Variants in PHYKPL observed in about 807,000 individuals in gnomAD.
The protein encoded by PHYKPL is 5-phosphonooxy-L-lysine phospho-lyase.
In PHYKPL, 42 loss-of-function variants were observed where a neutral mutation model predicts 51.3. The observed-to-expected ratio is 0.82, with a 90% CI of 0.64 to 1.06. PHYKPL has a LOEUF of 1.06. Among genes scored for constraint, PHYKPL ranks in the 50% least tolerant of loss-of-function variants. PHYKPL has a pLI of 0.00. For synonymous variants in PHYKPL, 264 were observed against 236.0 expected, an observed-to-expected ratio of 1.12 and a Z score of -1.09; for missense variants, 655 against 586.6, an observed-to-expected ratio of 1.12 and a Z score of -1.20.
intron 10 of PHYKPL, 37 bp from the exon 11 acceptor site, chr5:178,213,140 G>A: frequency 6.2e-7 from 1 of 1,609,590 alleles, no homozygotes; most frequent in Non-Finnish European, 8.5e-7. Flanking sequence ...TGGCCTTCAA[G>A]GCCTTCCTCA....
chr5:178,222,448 CT>C lies in PHYKPL; in HGVS notation c.833del (p.Lys278SerfsTer47). On this transcript the variant is annotated frameshift_variant, in exon 8 of 13. Coordinates refer to ENST00000308158, the MANE Select transcript of PHYKPL (RefSeq NM_153373.4). LOFTEE classifies it high-confidence loss of function. Reference protein sequence around the residue: ...DFVPDIVTMGKSIGNGHPVAC... With the variant: ...DFVPDIVTMGXSIGNGHPVAC... ...CAACAGGGTGGCCGTTGCCAATGGACTTGCCCATGGTGACGATGTCAGGGAC... is the reference window on the plus strand; with the variant it reads ...CAACAGGGTGGCCGTTGCCAATGGACTGCCCATGGTGACGATGTCAGGGAC... The C allele has an allele frequency of 1.2e-6, 2 of 1,614,264 alleles. No homozygotes were observed. The highest frequency in any genetic ancestry group is 8.5e-7 in the Non-Finnish European group (1 of 1,180,050).
rs1357166920 is a variant in PHYKPL at position 178,232,449 on chromosome 5, G to C, written c.59+43C>G. ...GCGTCGTGCGTGCGCGTGCCTCTCC[G>C]CGCAGCCCCGCGCCCCCCGCCGCCC... is the stretch of plus-strand genomic sequence containing the variant. On this transcript the variant is annotated intron_variant, in intron 1 of 12. Coordinates refer to ENST00000308158, the MANE Select transcript of PHYKPL (RefSeq NM_153373.4). 6 of 1,376,576 alleles carry C rather than the reference G, an allele frequency of 4.4e-6. No individual in the cohort carries two copies. The South Asian group carries it at 4.9e-5, about 11-fold the overall frequency. 85.3% of individuals were successfully genotyped at this position (1,376,576 alleles called of 1,614,324 possible).
intron 2 of PHYKPL, among the ~76,000 whole-genome samples, chr5:178,231,108 G>A (rs968977209): frequency 6.6e-6 from 1 of 152,184 alleles, no homozygotes; most frequent in African/African-American, 2.4e-5. Flanking sequence ...CACTTGGCCA[G>A]CACTGTGCTA....
At chr5:178,221,888 C>T (rs540712166) in intron 8 of PHYKPL, among the ~76,000 whole-genome samples, 1 of 152,350 alleles carries the variant, frequency 6.6e-6, no homozygotes, top group Non-Finnish European at 1.5e-5. Flanking sequence ...CCTGCAACTG[C>T]TGCCTCAGGG....
Position 178,224,510 on chromosome 5 carries a change from C to A in PHYKPL, c.556G>T (p.Ala186Ser). Residue 186 changes from alanine (A) to serine (S), a missense_variant, in exon 6 of 13, where the codon GCT becomes TCT. Transcript: ENST00000308158. ...TTCACCTCGTTGGCATAGGCCATAG[C>A]TGGGTTGGGGTGGTCCTCCCGGTAG... The part of the protein sequence containing the change: ...GPYREDHPNP[A>S]MAYANEVKRV... 1.2e-6 allele frequency: 2 copies of A among 1,613,448 alleles called. No individual in the cohort carries two copies. The highest frequency in any genetic ancestry group is 8.5e-7 in the Non-Finnish European group (1 of 1,179,600).
downstream of PHYKPL, chr5:178,207,307 A>G: frequency 6.6e-7 from 1 of 1,524,510 alleles, no homozygotes; most frequent in Non-Finnish European, 8.9e-7. Flanking sequence ...GTTGGGCCTC[A>G]TGCAGGAGCT....
At chr5:178,209,518 G>C in intron 12 of PHYKPL, 1 of 1,331,532 alleles carries the variant, frequency 7.5e-7, no homozygotes, top group African/African-American at 1.4e-5. Flanking sequence ...CTGTCTTGGG[G>C]CTCCCTCTGG....
At chr5:178,230,144 A>C in intron 2 of PHYKPL, 45 bp from the exon 3 acceptor site, 1 of 1,608,098 alleles carries the variant, frequency 6.2e-7, no homozygotes, top group Non-Finnish European at 8.5e-7. Flanking sequence ...CCACTCAGCC[A>C]GTCCCACTGG....
chr5:178,231,818 G>C (rs1053181343), intron 1 of PHYKPL: 5 of 1,378,812 alleles, frequency 3.6e-6, no homozygotes, highest in Non-Finnish European at 4.8e-6. Context: ...CCCGGATCCT[G>C]AGAAAAGGTG....
chr5:178,207,316 C>G (rs1476815224), downstream of PHYKPL: 1 of 1,492,438 alleles, frequency 6.7e-7, no homozygotes, highest in Middle Eastern at 1.8e-4. Context: ...CATGCAGGAG[C>G]TCTCCAGGTT....
chr5:178,215,267 G>A lies in PHYKPL; in HGVS notation c.1082+9C>T. On this transcript the variant is annotated intron_variant, in intron 9 of 12. Coordinates refer to ENST00000308158, the MANE Select transcript of PHYKPL (RefSeq NM_153373.4). ...AGGTGGGTGGTGACTGCTGCCCCCA[G>A]AGCCTCACCTGACATCCCCGACGAT... 1 of 1,613,954 alleles carries A rather than the reference G, an allele frequency of 6.2e-7. No homozygotes were observed. The highest frequency in any genetic ancestry group is 8.5e-7 in the Non-Finnish European group (1 of 1,179,944).
intron 12 of PHYKPL, chr5:178,210,787 C>T (rs1464519163): frequency 1.5e-6 from 1 of 654,342 alleles, no homozygotes; most frequent in Non-Finnish European, 2.8e-6. Flanking sequence ...TGACTATTTC[C>T]AGAGCTCTAG....
chr5:178,224,707 A>T lies in PHYKPL; in HGVS notation c.436T>A (p.Ser146Thr). Residue 146 changes from serine (S) to threonine (T), a missense_variant, in exon 5 of 13, where the codon TCC (serine) becomes ACC (threonine). Physicochemically the swap from Ser to Thr is moderately conservative, Grantham distance 58 (BLOSUM62 1). Transcript: ENST00000308158. Reference sequence around the variant, plus strand: ...TTGTAGGGACTGATGTCAATCAGGGAGCTCAGGTGGCCGTGATACGCACTG... The same window carrying T: ...TTGTAGGGACTGATGTCAATCAGGGTGCTCAGGTGGCCGTGATACGCACTG... ...LDHAYHGHLS[S>T]LIDISPYKFR... The T allele has an allele frequency of 1.2e-6, 2 of 1,614,078 alleles. No individual in the cohort carries two copies. The highest frequency in any genetic ancestry group is 1.7e-6 in the Non-Finnish European group (2 of 1,179,976).
At chr5:178,218,615 G>A (rs1244458447) in intron 8 of PHYKPL, among the ~76,000 whole-genome samples, 1 of 152,192 alleles carries the variant, frequency 6.6e-6, no homozygotes, top group African/African-American at 2.4e-5. Context: ...CTGGTGCCCT[G>A]ATCTTAGATT....
chr5:178,223,499 T>C (rs1309127976), intron 6 of PHYKPL: 1 of 456,160 alleles, frequency 2.2e-6, no homozygotes, highest in Non-Finnish European at 4.4e-6. Flanking sequence ...TGGCAATGAT[T>C]TCCCAACCAT....
intron 3 of PHYKPL, chr5:178,225,683 T>G (rs10060814): frequency 0.17 from 85,435 of 513,134 alleles, 7,585 homozygotes; most frequent in Admixed American, 0.21. Flanking sequence ...AAAGTTGTTT[T>G]GAAAAAACCC....
intron 1 of PHYKPL, chr5:178,231,910 C>G (rs1393768559): frequency 1.5e-6 from 2 of 1,302,614 alleles, no homozygotes; most frequent in Admixed American, 2.3e-5. Context: ...GTGCCTGGCT[C>G]TCAGCCCTAA....
intron 3 of PHYKPL, chr5:178,229,713 C>CA (rs1763000174): frequency 2.0e-6 from 1 of 487,830 alleles, no homozygotes; most frequent in Non-Finnish European, 3.6e-6. Flanking sequence ...TAAGCTCCAG[C>CA]AATGATCCTA....
intron 12 of PHYKPL, chr5:178,209,527 G>A (rs1259418512): frequency 8.0e-6 from 10 of 1,253,188 alleles, no homozygotes; most frequent in Non-Finnish European, 1.2e-5. Flanking sequence ...GGCTCCCTCT[G>A]GTGCTGTGCA....
Sources: gnomAD v4.1 joint callset for allele counts (sites outside exome capture counted in the v4.1 genomes callset) on GRCh38, gnomAD v4.1.1 for gene constraint, MANE v1.5 for transcripts, NCBI Gene and HGNC (gene_info 2026-07-23, HGNC 2026-07-21) for gene names.